The following SDC2 variants were observed in gnomAD, a reference collection of about 807,000 sequenced individuals.
The protein encoded by SDC2 is syndecan-2.
In SDC2, 13 loss-of-function variants were observed where a neutral mutation model predicts 22.2. The ratio of observed to expected loss-of-function variants is 0.59; its 90% CI spans 0.38 to 0.93. The LOEUF is 0.93. Ranked by LOEUF, SDC2 falls within the 40% of genes least tolerant of loss-of-function variation. The pLI is 0.00. For missense variants in SDC2, 235 were observed against 246.8 expected (o/e 0.95, Z 0.32); for synonymous variants, 94 against 92.8 (o/e 1.01, Z -0.07).
intron 1 of SDC2, among the ~76,000 whole-genome samples, chr8:96,495,810 C>T (rs1237646667): frequency 6.6e-6 from 1 of 152,080 alleles, no homozygotes; most frequent in African/African-American, 2.4e-5. Flanking sequence ...GGTTGGAGAG[C>T]ATGTAGAATT....
intron 1 of SDC2, among the ~76,000 whole-genome samples, chr8:96,516,445 C>T (rs572323738): frequency 4.3e-4 from 65 of 152,090 alleles, no homozygotes; most frequent in Non-Finnish European, 7.9e-4. Context: ...ATGTACCTGC[C>T]ACAAAAATTC....
intron 1 of SDC2, among the ~76,000 whole-genome samples, chr8:96,531,292 T>C (rs1813657896): frequency 6.6e-6 from 1 of 152,248 alleles, no homozygotes; most frequent in Non-Finnish European, 1.5e-5. Context: ...CATGCCTCAT[T>C]ATGTTGTTCT....
intron 1 of SDC2, among the ~76,000 whole-genome samples, chr8:96,494,721 GCTC>G (rs755543498): frequency 8.0e-4 from 122 of 152,142 alleles, no homozygotes; most frequent in Non-Finnish European, 1.6e-3. Flanking sequence ...CACTCCGCGC[GCTC>G]CTCGAGACCA....
At chr8:96,588,713 C>T (rs1814726953) in intron 1 of SDC2, among the ~76,000 whole-genome samples, 1 of 152,208 alleles carries the variant, frequency 6.6e-6, no homozygotes, top group Non-Finnish European at 1.5e-5. Flanking sequence ...CTACCTTCTG[C>T]TTTCGTTGTT....
rs746180207 is a variant in SDC2 at position 96,611,784 on chromosome 8, A to C, written c.*2236A>C. 1 of 152,452 alleles carries C rather than the reference A, an allele frequency of 6.6e-6. No homozygotes were observed. The highest frequency in any genetic ancestry group is 6.6e-5 in the Admixed American group (1 of 15,252). The allele number at this position is 152,452 out of a possible 1,614,324, so 9.4% of individuals were successfully genotyped here. A position where few individuals can be genotyped will look rare whatever the true frequency, so the allele number is the denominator to read the frequency against. On this transcript the variant is annotated 3_prime_UTR_variant, in exon 5 of 5. Coordinates refer to ENST00000302190, the MANE Select transcript of SDC2 (RefSeq NM_002998.4). ...ATGCCAAAAGTAAATCATTGTATAGACTGACATCCAGTTTTCTTCAACTGT... is the reference window on the plus strand; with the variant it reads ...ATGCCAAAAGTAAATCATTGTATAGCCTGACATCCAGTTTTCTTCAACTGT...
Position 96,609,567 on chromosome 8 carries a change from CTATT to C in SDC2, c.*23_*26del, listed in dbSNP as rs747603137. The C allele has an allele frequency of 5.3e-5, 82 of 1,536,882 alleles. No homozygotes were observed. The highest frequency in any genetic ancestry group is 7.5e-5 in the South Asian group (6 of 80,464). On this transcript the variant is annotated 3_prime_UTR_variant, in exon 5 of 5. Transcript: ENST00000302190. ...TGCGTAAAACTCCAACTTAGTGTCT[CTATT>C]TATGAGATCACTGAACTTTTCAAAA... is the stretch of plus-strand genomic sequence containing the variant.
intron 1 of SDC2, among the ~76,000 whole-genome samples, chr8:96,539,832 G>T (rs1203552880): frequency 1.3e-5 from 2 of 152,006 alleles, no homozygotes; most frequent in South Asian, 2.1e-4. Flanking sequence ...ATTTTATAAG[G>T]TGTCATTTCT....
chr8:96,590,498 A>G (rs1814762760), intron 1 of SDC2, among the ~76,000 whole-genome samples: 2 of 152,216 alleles, frequency 1.3e-5, no homozygotes, highest in South Asian at 4.1e-4. Context: ...CCTTGAGGAG[A>G]TGCTTGTCTC....
Position 96,602,459 on chromosome 8 carries a change from G to C in SDC2, c.237G>C (p.Leu79Phe), listed in dbSNP as rs143349994. The change falls in exon 3 of 5, where the codon TTG (leucine) becomes TTC (phenylalanine). Residue 79 changes from leucine (L) to phenylalanine (F), a missense_variant. Transcript: ENST00000302190. ...TTSRPLPKIL[L>F]TSAAPKVETT... ...CTCGACCACTTCCAAAGATACTGTT[G>C]ACTAGTGCTGCTCCAAAAGTGGAAA... 1 of 1,613,962 alleles carries C rather than the reference G, an allele frequency of 6.2e-7. No individual in the cohort carries two copies. Among genetic ancestry groups the C allele is most frequent in the African/African-American group, 1.3e-5 (1 of 74,902 alleles).
intron 1 of SDC2, among the ~76,000 whole-genome samples, chr8:96,507,418 C>A (rs1050423392): frequency 6.6e-6 from 1 of 152,164 alleles, no homozygotes; most frequent in Non-Finnish European, 1.5e-5. Context: ...GGGTTTTGTG[C>A]AGAATCCTTT....
At chr8:96,576,507 C>T (rs1400813442) in intron 1 of SDC2, among the ~76,000 whole-genome samples, 1 of 94,358 alleles carries the variant, frequency 1.1e-5, no homozygotes, top group African/African-American at 3.6e-5. Context: ...GCAAGCTCCG[C>T]CTCCCGGATT....
intron 4 of SDC2, 67 bp from the exon 5 acceptor site, chr8:96,609,318 G>C (rs941726523): frequency 1.1e-5 from 14 of 1,302,414 alleles, no homozygotes; most frequent in Non-Finnish European, 1.5e-5. Context: ...GATTAGGCTT[G>C]ACAATAAAGC....
intron 1 of SDC2, among the ~76,000 whole-genome samples, chr8:96,583,369 CAT>C (rs919566744): frequency 7.4e-6 from 1 of 135,468 alleles, no homozygotes; most frequent in Non-Finnish European, 1.6e-5. Context: ...TATTATATAT[CAT>C]ATATAAAATA....
intron 1 of SDC2, among the ~76,000 whole-genome samples, chr8:96,582,250 C>G (rs1814600508): frequency 6.6e-6 from 1 of 152,130 alleles, no homozygotes; most frequent in South Asian, 2.1e-4. Flanking sequence ...CCTTTATATA[C>G]AAAAATAAAT....
At chr8:96,529,376 G>A (rs916267623) in intron 1 of SDC2, 5 of 151,956 alleles carry the variant, frequency 3.3e-5, no homozygotes, top group East Asian at 1.9e-4. Context: ...ATAATATTCC[G>A]CCTCATTCAA....
intron 1 of SDC2, among the ~76,000 whole-genome samples, chr8:96,551,713 G>A (rs559693366): frequency 6.6e-6 from 1 of 152,204 alleles, no homozygotes; most frequent in Admixed American, 6.5e-5. Context: ...GAGTAGGCAG[G>A]TAGGATATGC....
chr8:96,494,348 G>A lies in SDC2; in HGVS notation c.60+17G>A. 4 of 1,538,342 alleles carry A rather than the reference G, an allele frequency of 2.6e-6. No individual in the cohort carries two copies. The highest frequency in any genetic ancestry group is 3.5e-6 in the Non-Finnish European group (4 of 1,146,998). On this transcript the variant is annotated intron_variant, in intron 1 of 4. Transcript: ENST00000302190. Reference sequence around the variant, plus strand: ...GCGGAGTCGGTGAGTGGGCCAGGCGGAGGATGCGCGCGCCGTTTAGGGTGT... The same window carrying A: ...GCGGAGTCGGTGAGTGGGCCAGGCGAAGGATGCGCGCGCCGTTTAGGGTGT...
intron 1 of SDC2, among the ~76,000 whole-genome samples, chr8:96,527,181 G>A (rs758693855): frequency 2.0e-5 from 3 of 152,176 alleles, no homozygotes; most frequent in Non-Finnish European, 4.4e-5. Context: ...TATTGACGTG[G>A]TGGGAAGAGA....
intron 1 of SDC2, 57 bp from the exon 2 acceptor site, chr8:96,593,423 T>C (rs1395937304): frequency 4.3e-6 from 5 of 1,150,684 alleles, no homozygotes; most frequent in East Asian, 4.7e-5. Flanking sequence ...CAATCAGATA[T>C]ACAAGTGTGT....
Sources: allele counts gnomAD v4.1 joint callset (sites outside exome capture counted in the v4.1 genomes callset), GRCh38; gene constraint gnomAD v4.1.1; transcripts MANE v1.5; gene names NCBI Gene and HGNC (gene_info 2026-07-23, HGNC 2026-07-21).